Variants in DNM1L observed in about 807,000 individuals in gnomAD.
DNM1L encodes dynamin 1L, also known as dynamin-1-like protein.
In DNM1L, 33 loss-of-function variants were observed where a neutral mutation model predicts 92.8. That is an observed-to-expected ratio of 0.36 (90% CI 0.27 to 0.48). DNM1L has a LOEUF of 0.48. Ranked by LOEUF, DNM1L falls within the 20% of genes least tolerant of loss-of-function variation. The pLI is 0.99. For missense variants in DNM1L, 485 were observed against 888.8 expected (o/e 0.55, Z 5.78); for synonymous variants, 284 against 305.0 (o/e 0.93, Z 0.72).
At chr12:32,726,067 A>G (rs1954120481) in intron 9 of DNM1L, among the ~76,000 whole-genome samples, 1 of 152,136 alleles carries the variant, frequency 6.6e-6, no homozygotes, top group South Asian at 2.1e-4. Flanking sequence ...ATTACGAAAA[A>G]AAAAAGTGTT....
chr12:32,734,612 G>A (rs1277333266), intron 13 of DNM1L, among the ~76,000 whole-genome samples: 1 of 152,146 alleles, frequency 6.6e-6, no homozygotes, highest in African/African-American at 2.4e-5. Context: ...TTTGAGACCA[G>A]CCTGGCCAAC....
intron 4 of DNM1L, 123 bp from the exon 5 acceptor site, chr12:32,710,803 TAAA>T: frequency 1.2e-6 from 1 of 815,264 alleles, no homozygotes; most frequent in Middle Eastern, 3.7e-4. Flanking sequence ...TTTTGATTGT[TAAA>T]AAAAAGTTTT....
intron 8 of DNM1L, 50 bp downstream of exon 8, chr12:32,720,845 G>A: frequency 6.2e-7 from 1 of 1,606,626 alleles, no homozygotes; most frequent in Admixed American, 1.7e-5. Context: ...TTACCAATTG[G>A]TGTCTGAGAG....
Position 32,687,261 on chromosome 12 carries a change from T to C in DNM1L, c.102+7796T>C, listed in dbSNP as rs143022685. ...AATGTTTTTTCCCCTAATTATTTTATAGTTTTGGCTTGTATATTTAGGCTT... is the reference window on the plus strand; with the variant it reads ...AATGTTTTTTCCCCTAATTATTTTACAGTTTTGGCTTGTATATTTAGGCTT... On this transcript the variant is annotated intron_variant, in intron 1 of 19. Coordinates refer to ENST00000549701, the MANE Select transcript of DNM1L (RefSeq NM_012062.5). Among the ~76,000 whole-genome samples, 3 of 152,308 alleles carry C rather than the reference T, an allele frequency of 2.0e-5. No individual in the cohort carries two copies. In the East Asian group the frequency reaches 5.8e-4, roughly 29 times the overall value.
chr12:32,739,495 ACTGT>A (rs1422999128), intron 16 of DNM1L, among the ~76,000 whole-genome samples: 1 of 152,236 alleles, frequency 6.6e-6, no homozygotes, highest in Admixed American at 6.5e-5. Context: ...ACTCACAGTG[ACTGT>A]CAGCCTAAGA....
At chr12:32,697,423 G>C (rs1592583996) in intron 1 of DNM1L, among the ~76,000 whole-genome samples, 1 of 152,186 alleles carries the variant, frequency 6.6e-6, no homozygotes, top group East Asian at 1.9e-4. Context: ...ATCTGTAAAG[G>C]GGTGGGAAGG....
intron 13 of DNM1L, among the ~76,000 whole-genome samples, chr12:32,734,065 AT>A (rs1954723483): frequency 6.6e-6 from 1 of 152,248 alleles, no homozygotes; most frequent in Admixed American, 6.5e-5. Flanking sequence ...GACTGGCTCT[AT>A]TTTGGTAACT....
At chr12:32,733,233 A>C (rs1356819099) in intron 12 of DNM1L, among the ~76,000 whole-genome samples, 1 of 152,244 alleles carries the variant, frequency 6.6e-6, no homozygotes, top group East Asian at 1.9e-4. Context: ...TTTATAGTTA[A>C]GGCTAATCAG....
At chr12:32,728,545 C>T (rs1954311125) in intron 9 of DNM1L, 1 of 152,124 alleles carries the variant, frequency 6.6e-6, no homozygotes, top group African/African-American at 2.4e-5. Flanking sequence ...CTGTGTCCAC[C>T]TAATCAAGCG....
intron 9 of DNM1L, among the ~76,000 whole-genome samples, chr12:32,723,597 G>A (rs2137452784): frequency 6.6e-6 from 1 of 151,784 alleles, no homozygotes; most frequent in Non-Finnish European, 1.5e-5. Flanking sequence ...GGGAGGCTGA[G>A]GCAGGAGAAT....
rs531319251 is a variant in DNM1L, at chr12:32,718,287, G to A, written c.620-356G>A. Among the ~76,000 whole-genome samples, 10 of 151,098 alleles carry A rather than the reference G, an allele frequency of 6.6e-5. No homozygotes were observed. The South Asian group carries it at 1.0e-3, about 16-fold the overall frequency. ...CTCCCGAGCAGCTGGGATTACAGGC[G>A]TCTGCCACTGTGCCTGGCTAATTTT... On this transcript the variant is annotated intron_variant, in intron 6 of 19. Transcript: ENST00000549701.
intron 6 of DNM1L, among the ~76,000 whole-genome samples, chr12:32,713,819 A>C (rs1382403258): frequency 6.6e-6 from 1 of 152,192 alleles, no homozygotes; most frequent in African/African-American, 2.4e-5. Context: ...GTTAAAAAAA[A>C]CCAAAACACA....
At chr12:32,701,841 C>T (rs1425745692) in intron 2 of DNM1L, among the ~76,000 whole-genome samples, 1 of 151,806 alleles carries the variant, frequency 6.6e-6, no homozygotes, top group East Asian at 2.0e-4. Context: ...AATTCTCCTG[C>T]CTCAGCCTGC....
intron 2 of DNM1L, among the ~76,000 whole-genome samples, chr12:32,704,966 T>C (rs886343447): frequency 1.3e-5 from 2 of 152,116 alleles, no homozygotes; most frequent in Non-Finnish European, 2.9e-5. Context: ...AATTTATCTT[T>C]TCCTGTAGTA....
chr12:32,713,708 G>A (rs1953232317), intron 6 of DNM1L, among the ~76,000 whole-genome samples: 1 of 151,908 alleles, frequency 6.6e-6, no homozygotes, highest in South Asian at 2.1e-4. Flanking sequence ...AGCCAGGTGT[G>A]GTCACATGTG....
intron 1 of DNM1L, among the ~76,000 whole-genome samples, chr12:32,698,982 T>G (rs192963673): frequency 8.9e-4 from 136 of 151,964 alleles, no homozygotes; most frequent in African/African-American, 3.1e-3. Flanking sequence ...ATCACGCCAT[T>G]GCACTCCAGC....
At chr12:32,737,971 C>G in intron 15 of DNM1L, 29 bp downstream of exon 15, 1 of 1,605,316 alleles carries the variant, frequency 6.2e-7, no homozygotes, top group Non-Finnish European at 8.5e-7. Flanking sequence ...TCTAAGCCTG[C>G]ATGCCTTGTT....
chr12:32,698,222 G>A (rs1047940670), intron 1 of DNM1L, among the ~76,000 whole-genome samples: 4 of 152,104 alleles, frequency 2.6e-5, no homozygotes, highest in African/African-American at 9.7e-5. Flanking sequence ...CCATCATAGG[G>A]GACCTTTCTG....
At chr12:32,704,922 TTTAG>T (rs1952860636) in intron 2 of DNM1L, among the ~76,000 whole-genome samples, 1 of 152,120 alleles carries the variant, frequency 6.6e-6, no homozygotes, top group African/African-American at 2.4e-5. Context: ...GAAAGATGTA[TTTAG>T]TATATTTTGT....
Sources: allele counts gnomAD v4.1 joint callset (sites outside exome capture counted in the v4.1 genomes callset), GRCh38; gene constraint gnomAD v4.1.1; transcripts MANE v1.5; gene names NCBI Gene and HGNC (gene_info 2026-07-23, HGNC 2026-07-21).